NSUN6: variants seen among roughly 807,000 people sequenced by gnomAD.
NSUN6 encodes the protein tRNA (cytosine(72)-C(5))-methyltransferase NSUN6.
NSUN6 carries 64 observed loss-of-function variants against 58.0 expected under a neutral mutation model. The ratio of observed to expected loss-of-function variants is 1.10; its 90% CI spans 0.90 to 1.36. The LOEUF (loss-of-function observed/expected upper bound fraction) is 1.36, where lower values mean the gene tolerates loss of function less well. NSUN6 is among the 40% of genes most tolerant of loss of function. The pLI is 0.00. For missense variants in NSUN6, 701 were observed against 550.1 expected (o/e 1.27, Z -2.74); for synonymous variants, 231 against 193.9 (o/e 1.19, Z -1.59).
In NSUN6 at chr10:18,577,265, C is replaced by T. The variant is rs1432800767; in HGVS notation, c.922+8684G>A. 3.3e-5 allele frequency among the ~76,000 whole-genome samples: 5 copies of T among 152,134 alleles called. No homozygotes were observed. The East Asian group carries it at 7.7e-4, about 23-fold the overall frequency. On this transcript the variant is annotated intron_variant, in intron 8 of 10. Transcript: ENST00000377304. ...GTTGTACCTTCATCCCAAACACCACCGCCCCTGATGGAAATATAACAAAGG... is the reference window on the plus strand; with the variant it reads ...GTTGTACCTTCATCCCAAACACCACTGCCCCTGATGGAAATATAACAAAGG...
intron 8 of NSUN6, 130 bp downstream of exon 8, chr10:18,585,819 T>C (rs2057108371): frequency 4.4e-6 from 3 of 676,690 alleles, no homozygotes; most frequent in Non-Finnish European, 7.2e-6. Flanking sequence ...AGTACAGTGA[T>C]GGATATGTTA....
chr10:18,572,993 A>C (rs1342216825), intron 8 of NSUN6, among the ~76,000 whole-genome samples: 1 of 133,196 alleles, frequency 7.5e-6, no homozygotes. Context: ...TCCTTTCTCT[A>C]TTCCATTCCA....
intron 3 of NSUN6, among the ~76,000 whole-genome samples, chr10:18,623,368 G>C (rs1590104565): frequency 6.6e-6 from 1 of 152,128 alleles, no homozygotes; most frequent in African/African-American, 2.4e-5. Flanking sequence ...ATAAAAATCT[G>C]AGGAGAAAAT....
rs1321317975 is a variant in NSUN6, at chr10:18,565,129, T to C, written c.923-13158A>G. ...ACGTTCCATTCCATTCTCCATTCTA[T>C]TCCATTCTCCATTGCATACCATTCT... On this transcript the variant is annotated intron_variant, in intron 8 of 10. Coordinates refer to ENST00000377304, the MANE Select transcript of NSUN6 (RefSeq NM_182543.5). 6.6e-5 allele frequency among the ~76,000 whole-genome samples: 10 copies of C among 151,686 alleles called. No individual in the cohort carries two copies. The East Asian group carries it at 1.9e-3, about 29-fold the overall frequency.
At chr10:18,626,195 T>C (rs1440624353) in intron 3 of NSUN6, among the ~76,000 whole-genome samples, 1 of 151,522 alleles carries the variant, frequency 6.6e-6, no homozygotes. Context: ...ATGTGAATTA[T>C]ACTTGGGAAA....
At chr10:18,620,588 C>T (rs1269107923) in intron 3 of NSUN6, among the ~76,000 whole-genome samples, 2 of 152,218 alleles carry the variant, frequency 1.3e-5, no homozygotes, top group East Asian at 3.8e-4. Flanking sequence ...CTCATGCCTT[C>T]TCTCTGCCTA....
Position 18,614,539 on chromosome 10 carries a change from C to G in NSUN6, c.496G>C (p.Asp166His). ...TTTCCAAGAAATACTTTTGTTCCAT[C>G]AAATTCTTTGGCTCCTTTCTTACAT... Reference protein sequence around the residue: ...GKCKKGAKEFDGTKVFLGNGI... With the variant: ...GKCKKGAKEFHGTKVFLGNGI... Residue 166 changes from aspartate to histidine, a missense_variant, in exon 5 of 11, where the codon GAT becomes CAT. Coordinates refer to ENST00000377304, the MANE Select transcript of NSUN6 (RefSeq NM_182543.5). 1 of 1,542,040 alleles carries G rather than the reference C, an allele frequency of 6.5e-7. No individual in the cohort carries two copies.
In NSUN6 at chr10:18,622,819, G is replaced by A. The variant is rs568871402; in HGVS notation, c.312-6526C>T. On this transcript the variant is annotated intron_variant, in intron 3 of 10. Coordinates refer to ENST00000377304, the MANE Select transcript of NSUN6 (RefSeq NM_182543.5). Reference sequence around the variant, plus strand: ...ATTACATATTCAATTGTGAAAGAAAGGAAGAAAGTTAATGTTCTAGCCTGC... The same window carrying A: ...ATTACATATTCAATTGTGAAAGAAAAGAAGAAAGTTAATGTTCTAGCCTGC... Among the ~76,000 whole-genome samples, 27 of 152,302 alleles carry A rather than the reference G, an allele frequency of 1.8e-4. 2 individuals are homozygous for A. In the South Asian group the frequency reaches 4.8e-3, roughly 27 times the overall value.
intron 3 of NSUN6, among the ~76,000 whole-genome samples, chr10:18,620,155 T>G (rs900893838): frequency 2.0e-5 from 3 of 151,926 alleles, no homozygotes; most frequent in Non-Finnish European, 4.4e-5. Context: ...TTGCGCCATC[T>G]TGGCTCGCTG....
intron 1 of NSUN6, among the ~76,000 whole-genome samples, chr10:18,650,292 C>T (rs1186686902): frequency 6.6e-6 from 1 of 151,610 alleles, no homozygotes; most frequent in Non-Finnish European, 1.5e-5. Context: ...TGCTTAGAGG[C>T]AGCATGGTAA....
chr10:18,629,162 T>A (rs1201582209), intron 3 of NSUN6, among the ~76,000 whole-genome samples: 1 of 152,078 alleles, frequency 6.6e-6, no homozygotes, highest in African/African-American at 2.4e-5. Context: ...CTAAGCTTCA[T>A]AAGTGAAGGA....
chr10:18,643,368 G>C (rs17622520), intron 2 of NSUN6, among the ~76,000 whole-genome samples: 7,371 of 151,772 alleles, frequency 0.049, 276 homozygotes, highest in Non-Finnish European at 0.077. Context: ...CTGACAACAA[G>C]TCTGCCTCGT....
intron 8 of NSUN6, among the ~76,000 whole-genome samples, chr10:18,569,999 A>G (rs1302984161): frequency 6.8e-6 from 1 of 146,442 alleles, no homozygotes; most frequent in Admixed American, 7.0e-5. Flanking sequence ...ATTCCATTCC[A>G]TTCTCCATTG....
chr10:18,587,310 AT>A (rs1259558431), intron 7 of NSUN6, among the ~76,000 whole-genome samples: 1 of 152,158 alleles, frequency 6.6e-6, no homozygotes, highest in Non-Finnish European at 1.5e-5. Context: ...TCATTTTAAT[AT>A]TTCCCAGCTA....
At chr10:18,565,248 C>T (rs1212577802) in intron 8 of NSUN6, among the ~76,000 whole-genome samples, 1 of 150,812 alleles carries the variant, frequency 6.6e-6, no homozygotes, top group African/African-American at 2.4e-5. Flanking sequence ...CATTCCATTC[C>T]GTTTTCCATT....
At chr10:18,548,534 C>A (rs1024775194) in intron 9 of NSUN6, among the ~76,000 whole-genome samples, 1 of 152,162 alleles carries the variant, frequency 6.6e-6, no homozygotes, top group Admixed American at 6.6e-5. Flanking sequence ...CACAAATTTA[C>A]ATTTTTAGGC....
intron 9 of NSUN6, among the ~76,000 whole-genome samples, chr10:18,548,448 C>G (rs565786407): frequency 6.6e-6 from 1 of 152,180 alleles, no homozygotes; most frequent in Admixed American, 6.5e-5. Context: ...CTGTCATACT[C>G]CAGATGGACC....
intron 10 of NSUN6, among the ~76,000 whole-genome samples, chr10:18,546,934 G>C (rs1205628883): frequency 1.3e-5 from 2 of 151,166 alleles, no homozygotes; most frequent in Admixed American, 6.6e-5. Flanking sequence ...ACGGGGAGGG[G>C]AAGAAGAAAA....
chr10:18,577,470 C>T (rs866256331), intron 8 of NSUN6, among the ~76,000 whole-genome samples: 2 of 152,186 alleles, frequency 1.3e-5, no homozygotes, highest in African/African-American at 4.8e-5. Context: ...TGTCATATCA[C>T]GCATCCATGG....
Sources: gnomAD v4.1 joint callset for allele counts (sites outside exome capture counted in the v4.1 genomes callset) on GRCh38, gnomAD v4.1.1 for gene constraint, MANE v1.5 for transcripts, NCBI Gene and HGNC (gene_info 2026-07-23, HGNC 2026-07-21) for gene names.